NHSL2: variants seen among roughly 807,000 people sequenced by gnomAD.
NHSL2 encodes the protein NHS like 2.
NHSL2 carries 27 observed loss-of-function variants against 53.4 expected under a neutral mutation model. The ratio of observed to expected loss-of-function variants is 0.51; its 90% confidence interval spans 0.37 to 0.70. The LOEUF (loss-of-function observed/expected upper bound fraction) is 0.70, where lower values mean the gene tolerates loss of function less well. Among genes scored for constraint, NHSL2 ranks in the 30% least tolerant of loss-of-function variants. The pLI is 0.00. For missense variants in NHSL2, 892 were observed against 980.1 expected, an observed-to-expected ratio of 0.91 and a Z score of 1.20; for synonymous variants, 408 against 404.1, an observed-to-expected ratio of 1.01 and a Z score of -0.12.
chrX:72,028,393 G>A (rs1231049603), intron 1 of NHSL2, among the ~76,000 whole-genome samples: 1 of 112,288 alleles, frequency 8.9e-6, no homozygotes, highest in East Asian at 2.8e-4. Flanking sequence ...TGAGCTCAAG[G>A]ATGTTTTCCC....
chrX:72,125,069 AGTCTGTGATTCT>A (rs2042212310), intron 1 of NHSL2, among the ~76,000 whole-genome samples: 1 of 110,437 alleles, frequency 9.1e-6, no homozygotes, highest in Non-Finnish European at 1.9e-5. Flanking sequence ...CAGCCAGGTC[AGTCTGTGATTCT>A]GACCGATCTC....
chrX:72,096,860 C>T (rs1403572852), intron 1 of NHSL2, among the ~76,000 whole-genome samples: 1 of 111,766 alleles, frequency 8.9e-6, no homozygotes, highest in East Asian at 2.8e-4. Flanking sequence ...TGGGCTCACG[C>T]GATCGTCCTG....
At chrX:72,022,180 C>T (rs2042163387) in intron 1 of NHSL2, among the ~76,000 whole-genome samples, 1 of 112,310 alleles carries the variant, frequency 8.9e-6, no homozygotes, top group Admixed American at 9.4e-5. Context: ...GAGCCTGTCA[C>T]TTTAGCAGTG....
In NHSL2 at chrX:72,138,756, G is replaced by T; in HGVS notation, c.1208G>T (p.Ser403Ile). The T allele has an allele frequency of 2.5e-6, 3 of 1,209,739 alleles. No individual in the cohort carries two copies. Among genetic ancestry groups the T allele is most frequent in the Non-Finnish European group, 3.4e-6 (3 of 893,913 alleles). ...GATGCTTTTACCTACATGACTCCAAGTGCCACCAGCCAGAGCAATCAAGTC... is the reference window on the plus strand; with the variant it reads ...GATGCTTTTACCTACATGACTCCAATTGCCACCAGCCAGAGCAATCAAGTC... Reference protein sequence around the residue: ...KGDAFTYMTPSATSQSNQVNE... With the variant: ...KGDAFTYMTPIATSQSNQVNE... The change falls in exon 6 of 8, where the codon AGT becomes ATT. Residue 403 changes from serine to isoleucine, a missense_variant. Transcript: ENST00000633930.
rs1428345956 is a variant in NHSL2 at position 72,144,747 on chromosome X, A to G, written c.*1173A>G. Reference sequence around the variant, plus strand: ...ACACACACACACACACACACACACAAAAGGGCTACTTTTTGCCATTTAGGT... The same window carrying G: ...ACACACACACACACACACACACACAGAAGGGCTACTTTTTGCCATTTAGGT... On this transcript the variant is annotated 3_prime_UTR_variant, in exon 8 of 8. Coordinates refer to ENST00000633930, the MANE Select transcript of NHSL2 (RefSeq NM_001013627.3). 2 of 185,337 alleles carry G rather than the reference A, an allele frequency of 1.1e-5. No homozygotes were observed. The highest frequency in any genetic ancestry group is 1.5e-4 in the East Asian group (1 of 6,493). 15.3% of individuals were successfully genotyped at this position (185,337 alleles called of 1,213,427 possible). A position where few individuals can be genotyped will look rare whatever the true frequency, so the allele number is the denominator to read the frequency against.
chrX:71,955,436 T>C (rs1345193662), intron 1 of NHSL2, among the ~76,000 whole-genome samples: 1 of 109,765 alleles, frequency 9.1e-6, no homozygotes, highest in Non-Finnish European at 1.9e-5. Flanking sequence ...ACTCTCTCTT[T>C]GTGCAGTGCT....
At chrX:72,116,585 G>A (rs1013632109) in intron 1 of NHSL2, among the ~76,000 whole-genome samples, 3 of 112,067 alleles carry the variant, frequency 2.7e-5, no homozygotes, top group Admixed American at 9.4e-5. Context: ...TACTATAGAG[G>A]ACTCATGATA....
At chrX:72,085,929 G>C (rs1020534955) in intron 1 of NHSL2, among the ~76,000 whole-genome samples, 3 of 110,232 alleles carry the variant, frequency 2.7e-5, no homozygotes, top group East Asian at 2.8e-4. Context: ...CTGCCTAAAA[G>C]ATTCCTCGGG....
At chrX:72,136,178 G>A (rs1332175013) in intron 4 of NHSL2, among the ~76,000 whole-genome samples, 2 of 111,159 alleles carry the variant, frequency 1.8e-5, no homozygotes, top group Admixed American at 9.5e-5. Flanking sequence ...CACAGACCTC[G>A]CCCCACCACC....
At chrX:71,972,233 C>G (rs908619533) in intron 1 of NHSL2, among the ~76,000 whole-genome samples, 2 of 111,083 alleles carry the variant, frequency 1.8e-5, no homozygotes, top group Non-Finnish European at 3.8e-5. Flanking sequence ...CGGGGTTTCA[C>G]CATGTTGGCC....
chrX:72,100,521 G>A (rs959197041), intron 1 of NHSL2, among the ~76,000 whole-genome samples: 22 of 112,224 alleles, frequency 2.0e-4, no homozygotes, highest in Non-Finnish European at 3.8e-4. Flanking sequence ...CCATGGACCC[G>A]TACCAGTCCA....
At chrX:71,930,552 C>A (rs1283217445) in intron 1 of NHSL2, among the ~76,000 whole-genome samples, 2 of 112,448 alleles carry the variant, frequency 1.8e-5, no homozygotes, top group Non-Finnish European at 3.8e-5. Flanking sequence ...AATTCCCCAT[C>A]TTCCCACCAG....
In NHSL2 at chrX:71,926,374, A is replaced by G. The variant is rs150174073; in HGVS notation, c.280+15007A>G. Among the ~76,000 whole-genome samples, 649 of 112,361 alleles carry G rather than the reference A, an allele frequency of 5.8e-3. 3 individuals carry two copies. Among genetic ancestry groups the G allele is most frequent in the Middle Eastern group, 0.032 (7 of 217 alleles). On this transcript the variant is annotated intron_variant, in intron 1 of 7. Coordinates refer to ENST00000633930, the MANE Select transcript of NHSL2 (RefSeq NM_001013627.3). Reference sequence around the variant, plus strand: ...AATATTTGTCCTCGTGGAACTTACTAGGTAGATAAACTATGACTTATTTCT... The same window carrying G: ...AATATTTGTCCTCGTGGAACTTACTGGGTAGATAAACTATGACTTATTTCT...
chrX:72,079,235 G>A (rs993005440), intron 1 of NHSL2, among the ~76,000 whole-genome samples: 14 of 112,809 alleles, frequency 1.2e-4, no homozygotes, highest in Admixed American at 1.2e-3. Flanking sequence ...CAAACAAAGA[G>A]AAACAAATTG....
In NHSL2 at chrX:72,145,799, T is replaced by C. The variant is rs975706923; in HGVS notation, c.*2225T>C. The C allele has an allele frequency of 2.7e-5, 3 of 112,455 alleles. No homozygotes were observed. Among genetic ancestry groups the C allele is most frequent in the African/African-American group, 9.7e-5 (3 of 30,925 alleles). The allele number at this position is 112,455 out of a possible 1,213,427, so 9.3% of individuals were successfully genotyped here. A position where few individuals can be genotyped will look rare whatever the true frequency, so the allele number is the denominator to read the frequency against. On this transcript the variant is annotated 3_prime_UTR_variant, in exon 8 of 8. Transcript: ENST00000633930. Reference sequence around the variant, plus strand: ...CTGGAAGTTTCTTGTTTACTACTTCTAATGGGTTTTGCCTCTCCCCTCACC... The same window carrying C: ...CTGGAAGTTTCTTGTTTACTACTTCCAATGGGTTTTGCCTCTCCCCTCACC...
intron 1 of NHSL2, among the ~76,000 whole-genome samples, chrX:72,092,330 G>T: frequency 9.0e-6 from 1 of 111,641 alleles, no homozygotes; most frequent in South Asian, 3.8e-4. Flanking sequence ...GCTTCTCCTG[G>T]GTTCTGGGCC....
At chrX:72,093,766 CTTTCTTTCTTTCTTTT>C (rs2041920805) in intron 1 of NHSL2, among the ~76,000 whole-genome samples, 1 of 106,811 alleles carries the variant, frequency 9.4e-6, no homozygotes, top group Non-Finnish European at 1.9e-5. Flanking sequence ...TTCTTTCTTT[CTTTCTTTCTTTCTTTT>C]CCTTTCTTTC....
intron 1 of NHSL2, among the ~76,000 whole-genome samples, chrX:71,988,326 T>C (rs2042012020): frequency 8.9e-6 from 1 of 111,734 alleles, no homozygotes; most frequent in Non-Finnish European, 1.9e-5. Context: ...CCATGTCCAA[T>C]GATCCTGTAT....
chrX:72,082,264 G>A (rs2041798755), intron 1 of NHSL2, among the ~76,000 whole-genome samples: 1 of 111,470 alleles, frequency 9.0e-6, no homozygotes, highest in African/African-American at 3.3e-5. Flanking sequence ...GTTGCGCAGG[G>A]TGCAGGGGCG....
Sources: allele counts gnomAD v4.1 joint callset (sites outside exome capture counted in the v4.1 genomes callset), GRCh38; gene constraint gnomAD v4.1.1; transcripts MANE v1.5; gene names NCBI Gene and HGNC (gene_info 2026-07-23, HGNC 2026-07-21).